Variants in CADM2 observed in about 807,000 individuals in gnomAD.
The protein encoded by CADM2 is immunoglobulin superfamily member 4D.
Under a neutral mutation model 49.8 loss-of-function variants are expected in CADM2, and 12 were observed. The ratio of observed to expected loss-of-function variants is 0.24; its 90% confidence interval spans 0.15 to 0.39. CADM2 has a LOEUF of 0.39. Among genes scored for constraint, CADM2 ranks in the 10% least tolerant of loss-of-function variants. The pLI, the probability that CADM2 is intolerant of heterozygous loss-of-function variation, is 1.00. For missense variants in CADM2, 378 were observed against 492.3 expected (o/e 0.77, Z 2.20); for synonymous variants, 214 against 175.4 (o/e 1.22, Z -1.74).
At chr3:85,200,277 CTG>C (rs1231507460) in intron 1 of CADM2, among the ~76,000 whole-genome samples, 4 of 152,018 alleles carry the variant, frequency 2.6e-5, no homozygotes, top group Non-Finnish European at 4.4e-5. Context: ...ATATACAAAA[CTG>C]TGTTTTCCCT....
chr3:84,974,803 T>C (rs1242884720), intron 1 of CADM2, among the ~76,000 whole-genome samples: 2 of 151,998 alleles, frequency 1.3e-5, no homozygotes, highest in Non-Finnish European at 2.9e-5. Flanking sequence ...ACATTTAAGA[T>C]AATATATTAC....
At chr3:85,224,382 G>T (rs534677839) in intron 1 of CADM2, among the ~76,000 whole-genome samples, 2 of 152,210 alleles carry the variant, frequency 1.3e-5, no homozygotes, top group African/African-American at 4.8e-5. Context: ...AAGTTTGTTG[G>T]CTCCATAAAT....
At chr3:85,587,128 T>G (rs1206514445) in intron 1 of CADM2, among the ~76,000 whole-genome samples, 1 of 152,078 alleles carries the variant, frequency 6.6e-6, no homozygotes, top group Non-Finnish European at 1.5e-5. Context: ...ACCTACTTCA[T>G]CAGGAATCTG....
chr3:85,132,632 A>G (rs1178650578), intron 1 of CADM2, among the ~76,000 whole-genome samples: 4 of 149,018 alleles, frequency 2.7e-5, no homozygotes, highest in African/African-American at 9.8e-5. Context: ...TATATTATAT[A>G]TATATATATA....
chr3:85,772,867 TCTG>T (rs2070162582), intron 2 of CADM2, among the ~76,000 whole-genome samples: 1 of 149,904 alleles, frequency 6.7e-6, no homozygotes, highest in African/African-American at 2.5e-5. Context: ...CTCCTTTTTG[TCTG>T]CTTTCATTTC....
At chr3:85,905,316 C>T (rs1716652348) in intron 5 of CADM2, among the ~76,000 whole-genome samples, 1 of 152,094 alleles carries the variant, frequency 6.6e-6, no homozygotes. Flanking sequence ...TTTGTCATAT[C>T]CCTCTAGATT....
At chr3:85,699,418 C>T (rs2066677521) in intron 1 of CADM2, among the ~76,000 whole-genome samples, 1 of 152,212 alleles carries the variant, frequency 6.6e-6, no homozygotes, top group African/African-American at 2.4e-5. Context: ...CGTGAGGTCT[C>T]TGCCCCTGAA....
chr3:85,621,825 T>G (rs1391871778), intron 1 of CADM2, among the ~76,000 whole-genome samples: 1 of 152,162 alleles, frequency 6.6e-6, no homozygotes, highest in African/African-American at 2.4e-5. Flanking sequence ...GATGACAAGT[T>G]GTCAGACTGA....
chr3:85,471,868 A>G (rs1317098947), intron 1 of CADM2, among the ~76,000 whole-genome samples: 5 of 151,704 alleles, frequency 3.3e-5, no homozygotes, highest in Non-Finnish European at 7.4e-5. Flanking sequence ...ATAAATTTGT[A>G]CCTATAAGTA....
chr3:85,282,449 T>TC (rs1161306569), intron 1 of CADM2, among the ~76,000 whole-genome samples: 1 of 150,074 alleles, frequency 6.7e-6, no homozygotes, highest in Non-Finnish European at 1.5e-5. Flanking sequence ...TTTTTTTTTT[T>TC]TCAGTAGAGA....
chr3:85,905,356 G>A (rs1234852663), intron 5 of CADM2, among the ~76,000 whole-genome samples: 1 of 152,114 alleles, frequency 6.6e-6, no homozygotes, highest in Non-Finnish European at 1.5e-5. Flanking sequence ...AAACTGATGG[G>A]AGGATTTAAA....
chr3:85,848,740 C>T (rs999798395), intron 3 of CADM2, among the ~76,000 whole-genome samples: 10 of 151,988 alleles, frequency 6.6e-5, no homozygotes, highest in African/African-American at 1.5e-4. Context: ...ATTTAAGAAA[C>T]GCATACAACA....
intron 1 of CADM2, among the ~76,000 whole-genome samples, chr3:85,565,415 A>G (rs1254886393): frequency 3.3e-5 from 5 of 152,044 alleles, no homozygotes; most frequent in Admixed American, 6.6e-5. Flanking sequence ...GACATTTGCT[A>G]TTAGTGTCTG....
At chr3:85,201,192 A>T (rs1176735363) in intron 1 of CADM2, among the ~76,000 whole-genome samples, 1 of 152,150 alleles carries the variant, frequency 6.6e-6, no homozygotes, top group Non-Finnish European at 1.5e-5. Flanking sequence ...CTACAGGCAT[A>T]CCTTGGAGAT....
At position 85,122,370 on chromosome 3, in the gene CADM2, T is replaced by A. The variant is rs6783514; in HGVS notation, c.61+162702T>A. On this transcript the variant is annotated intron_variant, in intron 1 of 9. Transcript: ENST00000383699. Reference sequence around the variant, plus strand: ...CACTCAAGTTACTGGACCTTTTTACTGTATACTATACACCAGGCACAACTG... The same window carrying A: ...CACTCAAGTTACTGGACCTTTTTACAGTATACTATACACCAGGCACAACTG... Among the ~76,000 whole-genome samples the A allele has an allele frequency of 6.9e-3, 1,046 of 152,278 alleles. 9 individuals carry two copies. Among genetic ancestry groups the A allele is most frequent in the African/African-American group, 0.023 (956 of 41,548 alleles).
At chr3:85,278,455 T>C (rs188208593) in intron 1 of CADM2, among the ~76,000 whole-genome samples, 1 of 151,462 alleles carries the variant, frequency 6.6e-6, no homozygotes. Context: ...TAAAGCCTAA[T>C]AGGACTCACT....
chr3:85,510,438 G>C (rs1369879203), intron 1 of CADM2, among the ~76,000 whole-genome samples: 1 of 151,888 alleles, frequency 6.6e-6, no homozygotes, highest in Non-Finnish European at 1.5e-5. Context: ...CATTTTTATT[G>C]GTAAATAGCA....
At chr3:85,373,498 C>A (rs1370754600) in intron 1 of CADM2, among the ~76,000 whole-genome samples, 1 of 152,218 alleles carries the variant, frequency 6.6e-6, no homozygotes, top group Non-Finnish European at 1.5e-5. Context: ...ACAGTGCAAG[C>A]TTTGGGTGGA....
chr3:85,468,246 C>G (rs2038607350), intron 1 of CADM2, among the ~76,000 whole-genome samples: 2 of 150,972 alleles, frequency 1.3e-5, no homozygotes, highest in Admixed American at 6.6e-5. Context: ...TGCATGTTCT[C>G]CCTGTGTCTG....
Sources: gnomAD v4.1 joint callset for allele counts (sites outside exome capture counted in the v4.1 genomes callset) on GRCh38, gnomAD v4.1.1 for gene constraint, MANE v1.5 for transcripts, NCBI Gene and HGNC (gene_info 2026-07-23, HGNC 2026-07-21) for gene names.